Variants in RARB observed in about 807,000 individuals in gnomAD.
RARB encodes retinoic acid receptor beta, also known as HBV-activated protein.
A neutral mutation model predicts 51.9 loss-of-function variants in RARB; 17 were observed. The observed-to-expected ratio is 0.33, with a 90% CI of 0.22 to 0.49. The LOEUF (loss-of-function observed/expected upper bound fraction) is 0.49. Among genes scored for constraint, RARB ranks in the 20% least tolerant of loss-of-function variants. The probability of loss-of-function intolerance (pLI) is 0.99; values close to 1 mark genes in which losing one functional copy is unlikely to be tolerated. For missense variants in RARB, 369 were observed against 550.8 expected, an observed-to-expected ratio of 0.67 and a Z score of 3.30; for synonymous variants, 215 against 195.4, an observed-to-expected ratio of 1.10 and a Z score of -0.84.
At chr3:24,897,424 GA>G (rs1407015883) in intron 2 of RARB, among the ~76,000 whole-genome samples, 1 of 152,138 alleles carries the variant, frequency 6.6e-6, no homozygotes, top group Non-Finnish European at 1.5e-5. Flanking sequence ...TGCAAAAGGG[GA>G]GATGGCTCCC....
upstream of RARB, among the ~76,000 whole-genome samples, chr3:25,424,147 C>A (rs1262439405): frequency 6.6e-6 from 1 of 152,180 alleles, no homozygotes; most frequent in African/African-American, 2.4e-5. Context: ...CGGTGGCCAA[C>A]ACTCAAAGTA....
chr3:24,982,022 T>G (rs956923798), intron 2 of RARB, among the ~76,000 whole-genome samples: 10 of 152,216 alleles, frequency 6.6e-5, no homozygotes, highest in African/African-American at 2.4e-4. Context: ...TGGCTCTGAC[T>G]TGGGCATTCT....
chr3:25,300,460 C>T (rs977212025), intron 5 of RARB, among the ~76,000 whole-genome samples: 1 of 152,196 alleles, frequency 6.6e-6, no homozygotes. Context: ...CTGTCTACTT[C>T]TGATATCCTT....
At chr3:25,221,253 G>GA (rs1485094664) in intron 5 of RARB, among the ~76,000 whole-genome samples, 1 of 149,284 alleles carries the variant, frequency 6.7e-6, no homozygotes, top group East Asian at 1.9e-4. Flanking sequence ...AGGGAAAAAG[G>GA]AAAAAACATT....
At chr3:25,105,779 C>CA (rs1177033830) in intron 3 of RARB, among the ~76,000 whole-genome samples, 2 of 152,172 alleles carry the variant, frequency 1.3e-5, no homozygotes, top group African/African-American at 4.8e-5. Context: ...ATGGTATAAG[C>CA]ATTGCTATTA....
At chr3:25,344,130 G>T (rs1391545693) in intron 5 of RARB, among the ~76,000 whole-genome samples, 2 of 152,136 alleles carry the variant, frequency 1.3e-5, no homozygotes, top group Non-Finnish European at 2.9e-5. Flanking sequence ...CAAACTAATT[G>T]CCTCAGGGGT....
At chr3:24,961,972 C>T (rs1184800751) in intron 2 of RARB, among the ~76,000 whole-genome samples, 1 of 123,560 alleles carries the variant, frequency 8.1e-6, no homozygotes, top group African/African-American at 3.1e-5. Context: ...CTCTGTCGCC[C>T]AGGCTAGAGT....
chr3:24,872,849 C>A (rs570605205), intron 2 of RARB, among the ~76,000 whole-genome samples: 1 of 152,300 alleles, frequency 6.6e-6, no homozygotes, highest in South Asian at 2.1e-4. Context: ...TGTAATATTA[C>A]AGACTTAACA....
intron 5 of RARB, among the ~76,000 whole-genome samples, chr3:25,392,168 TTG>T (rs1706981545): frequency 6.6e-6 from 1 of 152,180 alleles, no homozygotes; most frequent in Admixed American, 6.5e-5. Flanking sequence ...CACTTTGCTT[TTG>T]TTTGCTTTGT....
At chr3:25,183,120 C>T (rs973267070) in intron 5 of RARB, among the ~76,000 whole-genome samples, 4 of 151,966 alleles carry the variant, frequency 2.6e-5, no homozygotes, top group Admixed American at 6.6e-5. Flanking sequence ...TTCTTACTAC[C>T]GAAAAAGAAA....
Position 24,958,815 on chromosome 3 carries a change from A to AT in RARB, c.-380+100068dup, listed in dbSNP as rs1696078555. ...CCACTGTCTTAGATTTGCAGTTGAGATTTTTCATGTCTTTTCTAGTAGTAT... is the reference window on the plus strand; with the variant it reads ...CCACTGTCTTAGATTTGCAGTTGAGATTTTTTCATGTCTTTTCTAGTAGTAT... On this transcript the variant is annotated intron_variant, in intron 2 of 11. Coordinates refer to the RARB transcript ENST00000383772. Among the ~76,000 whole-genome samples, 3 of 152,284 alleles carry AT rather than the reference A, an allele frequency of 2.0e-5. No homozygotes were observed. The South Asian group carries it at 6.2e-4, about 32-fold the overall frequency.
rs1702182080 is a variant in RARB at position 25,231,728 on chromosome 3, C to T, written c.178+57153C>T. Among the ~76,000 whole-genome samples, 4 of 152,028 alleles carry T rather than the reference C, an allele frequency of 2.6e-5. No individual in the cohort carries two copies. The South Asian group carries it at 8.3e-4, about 31-fold the overall frequency. On this transcript the variant is annotated intron_variant, in intron 5 of 11. Coordinates refer to the RARB transcript ENST00000383772. ...GTTTACTTGCCTTCTTTGAACAATC[C>T]ATTCAAATATTTTGTGCATTTTTAA...
chr3:24,915,221 G>C (rs1191717843), intron 2 of RARB, among the ~76,000 whole-genome samples: 1 of 152,154 alleles, frequency 6.6e-6, no homozygotes. Context: ...GACCCATGCT[G>C]TCCAACAGAA....
At chr3:25,082,261 T>G (rs574420906) in intron 3 of RARB, among the ~76,000 whole-genome samples, 2 of 152,234 alleles carry the variant, frequency 1.3e-5, no homozygotes, top group South Asian at 4.1e-4. Flanking sequence ...ATATGTTATA[T>G]TTATATAAGT....
intron 1 of RARB, among the ~76,000 whole-genome samples, chr3:24,853,950 AT>A: frequency 6.6e-6 from 1 of 152,230 alleles, no homozygotes; most frequent in Non-Finnish European, 1.5e-5. Flanking sequence ...CCGATTCCCA[AT>A]TATGTTACAA....
intron 4 of RARB, among the ~76,000 whole-genome samples, chr3:25,571,688 T>C (rs1294189313): frequency 6.6e-6 from 1 of 152,228 alleles, no homozygotes; most frequent in Non-Finnish European, 1.5e-5. Flanking sequence ...CTTCAAGTCC[T>C]ACTCAGCCAC....
chr3:25,446,621 G>T (rs549110473), intron 1 of RARB, among the ~76,000 whole-genome samples: 2 of 151,970 alleles, frequency 1.3e-5, no homozygotes, highest in East Asian at 3.9e-4. Context: ...GGCGAACACG[G>T]TGAAACCCCA....
chr3:24,902,970 C>G (rs920021711), intron 2 of RARB, among the ~76,000 whole-genome samples: 3 of 151,906 alleles, frequency 2.0e-5, no homozygotes, highest in Non-Finnish European at 2.9e-5. Context: ...TCAAACCTTT[C>G]AAAATATATT....
At chr3:24,858,689 C>A (rs1310835914) in exon 2 of RARB, 2 of 152,132 alleles carry the variant, frequency 1.3e-5, no homozygotes, top group African/African-American at 4.8e-5. Flanking sequence ...TGAACATCAT[C>A]ATAAAAAGAC....
Sources: allele counts gnomAD v4.1 joint callset (sites outside exome capture counted in the v4.1 genomes callset), GRCh38; gene constraint gnomAD v4.1.1; transcripts MANE v1.5; gene names NCBI Gene and HGNC (gene_info 2026-07-23, HGNC 2026-07-21).